The following COLEC12 variants were observed in gnomAD, a reference collection of about 807,000 sequenced individuals.
The protein encoded by COLEC12 is collectin subfamily member 12, also known as collectin-12.
A neutral mutation model predicts 71.1 loss-of-function variants in COLEC12; 33 were observed. The ratio of observed to expected loss-of-function variants is 0.46; its 90% CI spans 0.35 to 0.62. The LOEUF is 0.62. COLEC12 is among the 20% of genes least tolerant of loss of function. The probability of loss-of-function intolerance (pLI) is 0.00; values close to 1 mark genes in which losing one functional copy is unlikely to be tolerated. For missense variants in COLEC12, 765 were observed against 916.1 expected (o/e 0.84, Z 2.13); for synonymous variants, 350 against 353.0 (o/e 0.99, Z 0.10).
At chr18:420,733 T>C (rs1412000062) in intron 2 of COLEC12, among the ~76,000 whole-genome samples, 8 of 152,168 alleles carry the variant, frequency 5.3e-5, no homozygotes, top group Admixed American at 5.2e-4. Flanking sequence ...TTTTGTATAT[T>C]ATGATGATGT....
At chr18:378,578 C>T (rs965008200) in intron 2 of COLEC12, among the ~76,000 whole-genome samples, 1 of 152,056 alleles carries the variant, frequency 6.6e-6, no homozygotes, top group African/African-American at 2.4e-5. Context: ...ACCTCCAGGG[C>T]CTTATCAGGA....
intron 2 of COLEC12, among the ~76,000 whole-genome samples, chr18:446,821 C>A (rs1916663740): frequency 6.6e-6 from 1 of 152,224 alleles, no homozygotes; most frequent in Non-Finnish European, 1.5e-5. Flanking sequence ...CATTTTCCAT[C>A]TGCCTTCTCC....
intron 1 of COLEC12, among the ~76,000 whole-genome samples, chr18:499,040 G>T (rs9962272): frequency 0.2 from 29,888 of 152,110 alleles, 3,306 homozygotes; most frequent in African/African-American, 0.3. Context: ...GACCAGCAGA[G>T]AAGATTCACT....
At chr18:358,718 G>A (rs1914680646) in intron 2 of COLEC12, among the ~76,000 whole-genome samples, 1 of 152,122 alleles carries the variant, frequency 6.6e-6, no homozygotes, top group African/African-American at 2.4e-5. Flanking sequence ...TGGGGGTTGG[G>A]GACCTCTGGT....
chr18:321,823 A>G lies in COLEC12; in HGVS notation c.2064-16T>C. ...TTTCCAATTTCTTTTAGCAAAACAG[A>G]AATTGAATGTTATTTGCACAGTAAT... On this transcript the variant is annotated splice_polypyrimidine_tract_variant and intron_variant, in intron 8 of 9. Transcript: ENST00000400256. 1 of 1,612,384 alleles carries G rather than the reference A, an allele frequency of 6.2e-7. No homozygotes were observed. The highest frequency in any genetic ancestry group is 1.1e-5 in the South Asian group (1 of 90,794).
rs1913562386 is a variant in COLEC12, at chr18:316,933, T to TC, written c.*3111_*3112insG. The TC allele has an allele frequency of 6.6e-6, 1 of 152,180 alleles. No individual in the cohort carries two copies. The highest frequency in any genetic ancestry group is 2.4e-5 in the African/African-American group (1 of 41,450). 9.4% of individuals were successfully genotyped at this position (152,180 alleles called of 1,614,324 possible). ...AGTTGTGTGTAGGTGAATAGAAAGCTGGTGTGTAGGCCGGGCACGGTGGCT... is the reference window on the plus strand; with the variant it reads ...AGTTGTGTGTAGGTGAATAGAAAGCTCGGTGTGTAGGCCGGGCACGGTGGCT... On this transcript the variant is annotated 3_prime_UTR_variant, in exon 10 of 10. Coordinates refer to ENST00000400256, the MANE Select transcript of COLEC12 (RefSeq NM_130386.3).
rs1917394018 is a variant in COLEC12 at position 480,549 on chromosome 18, G to A, written c.58+158C>T. Reference sequence around the variant, plus strand: ...AGAATTGTGAGAAACCCTCCCCCTGGGACACAGACACTCACTTTCCAACCA... The same window carrying A: ...AGAATTGTGAGAAACCCTCCCCCTGAGACACAGACACTCACTTTCCAACCA... On this transcript the variant is annotated intron_variant, in intron 2 of 9. Transcript: ENST00000400256. The surrounding 1 kb of genome is among the most constrained non-coding windows in gnomAD (Gnocchi z 4.1). Among the ~76,000 whole-genome samples, 1 of 151,862 alleles carries A rather than the reference G, an allele frequency of 6.6e-6. No individual in the cohort carries two copies. Among genetic ancestry groups the A allele is most frequent in the Non-Finnish European group, 1.5e-5 (1 of 67,980 alleles).
intron 2 of COLEC12, among the ~76,000 whole-genome samples, chr18:436,283 G>A (rs1916401294): frequency 6.6e-6 from 1 of 152,156 alleles, no homozygotes; most frequent in Non-Finnish European, 1.5e-5. Flanking sequence ...GGCCAAGGTG[G>A]GTGGATCACT....
chr18:383,435 A>C (rs1372196402), intron 2 of COLEC12, among the ~76,000 whole-genome samples: 1 of 152,192 alleles, frequency 6.6e-6, no homozygotes, highest in Non-Finnish European at 1.5e-5. Context: ...ATGTCTCATC[A>C]TAAAGTCCCA....
In COLEC12 at chr18:320,160, T is replaced by G. The variant is rs186486498; in HGVS notation, c.2210-96A>C. 8.0e-5 allele frequency: 57 copies of G among 716,914 alleles called. 1 individual carries two copies. The Admixed American group carries it at 1.1e-3, about 14-fold the overall frequency. 44.4% of individuals were successfully genotyped at this position (716,914 alleles called of 1,614,324 possible). A position where few individuals can be genotyped will look rare whatever the true frequency, so the allele number is the denominator to read the frequency against. ...GGGAACGTGTATTTTTATAGGACAG[T>G]GTCTAAAATACATCATTCAACAATG... On this transcript the variant is annotated intron_variant, in intron 9 of 9. Transcript: ENST00000400256.
intron 8 of COLEC12, among the ~76,000 whole-genome samples, chr18:330,832 G>GT: frequency 6.8e-6 from 1 of 147,708 alleles, no homozygotes; most frequent in South Asian, 2.1e-4. Context: ...TGTTTATAGT[G>GT]TATTTTAACT....
chr18:396,293 A>T (rs963423704), intron 2 of COLEC12, among the ~76,000 whole-genome samples: 2 of 152,212 alleles, frequency 1.3e-5, no homozygotes, highest in African/African-American at 4.8e-5. Flanking sequence ...CTGGTCACAA[A>T]ACAAAACTGA....
chr18:370,039 A>G (rs78928382), intron 2 of COLEC12, among the ~76,000 whole-genome samples: 5,606 of 152,356 alleles, frequency 0.037, 158 homozygotes, highest in Non-Finnish European at 0.058. Flanking sequence ...ACAAGAGTTC[A>G]GAGGAAAGCA....
chr18:330,931 G>A (rs1913964547), intron 8 of COLEC12, among the ~76,000 whole-genome samples: 2 of 149,078 alleles, frequency 1.3e-5, no homozygotes, highest in Admixed American at 6.7e-5. Context: ...CCAGGCTGGA[G>A]TGCAGTGGCG....
intron 5 of COLEC12, among the ~76,000 whole-genome samples, chr18:336,308 G>C (rs1408310529): frequency 6.6e-6 from 1 of 152,094 alleles, no homozygotes; most frequent in Non-Finnish European, 1.5e-5. Flanking sequence ...TGCCCATTGT[G>C]GACAGGTGTC....
intron 2 of COLEC12, among the ~76,000 whole-genome samples, chr18:371,596 T>TC (rs1915000880): frequency 6.6e-6 from 1 of 151,942 alleles, no homozygotes; most frequent in Admixed American, 6.6e-5. Context: ...TAGAAACAAT[T>TC]TTTTTTTAAA....
In COLEC12 at chr18:357,486, T is replaced by G; in HGVS notation, c.95A>C (p.Asn32Thr). The G allele has an allele frequency of 1.9e-6, 3 of 1,592,428 alleles. No individual in the cohort carries two copies. Among genetic ancestry groups the G allele is most frequent in the Non-Finnish European group, 2.6e-6 (3 of 1,168,326 alleles). Reference sequence around the variant, plus strand: ...GATAGAAAACTTCAGTGCCCAGTTATTTTTACATTTGGTACATTGTGTTCC... The same window carrying G: ...GATAGAAAACTTCAGTGCCCAGTTAGTTTTACATTTGGTACATTGTGTTCC... ...QEGTQCTKCK[N>T]NWALKFSIIL... The change falls in exon 3 of 10, where the codon AAT becomes ACT. Residue 32 changes from asparagine (N) to threonine (T), a missense_variant. Physicochemically the swap from Asn to Thr is moderately conservative, Grantham distance 65 (BLOSUM62 0). Coordinates refer to ENST00000400256, the MANE Select transcript of COLEC12 (RefSeq NM_130386.3).
At chr18:366,685 C>A (rs1914863622) in intron 2 of COLEC12, among the ~76,000 whole-genome samples, 1 of 152,352 alleles carries the variant, frequency 6.6e-6, no homozygotes, top group East Asian at 1.9e-4. Context: ...CAGATCCGGG[C>A]AGTGGGAAGT....
rs149893720 is a variant in COLEC12 at position 375,780 on chromosome 18, A to G, written c.59-18258T>C. On this transcript the variant is annotated intron_variant, in intron 2 of 9. Coordinates refer to ENST00000400256, the MANE Select transcript of COLEC12 (RefSeq NM_130386.3). ...TGCAGGCAGAGATCTTTGTTGGTTG[A>G]ACTGCCCATTGTCTCCCCAGAGGCT... 1.9e-3 allele frequency among the ~76,000 whole-genome samples: 295 copies of G among 152,314 alleles called. 3 individuals are homozygous for G. The East Asian group carries it at 0.029, about 15-fold the overall frequency.
Sources: allele counts gnomAD v4.1 joint callset (sites outside exome capture counted in the v4.1 genomes callset), GRCh38; gene constraint gnomAD v4.1.1; non-coding constraint Gnocchi (gnomAD v3.1); transcripts MANE v1.5; gene names NCBI Gene and HGNC (gene_info 2026-07-23, HGNC 2026-07-21).